The following CGNL1 variants were observed in gnomAD, a reference collection of about 807,000 sequenced individuals.
CGNL1 encodes the protein cingulin-like protein 1.
Under a neutral mutation model 141.2 loss-of-function variants are expected in CGNL1, and 132 were observed. The ratio of observed to expected loss-of-function variants is 0.93; its 90% confidence interval spans 0.81 to 1.08. The LOEUF is 1.08. CGNL1 is among the 50% of genes least tolerant of loss of function. The probability of loss-of-function intolerance (pLI) is 0.00; values close to 1 mark genes in which losing one functional copy is unlikely to be tolerated. For missense variants in CGNL1, 1,870 were observed against 1,588.6 expected, an observed-to-expected ratio of 1.18 and a Z score of -3.01; for synonymous variants, 690 against 622.1, an observed-to-expected ratio of 1.11 and a Z score of -1.63.
intron 1 of CGNL1, chr15:57,397,251 A>G (rs2062612911): frequency 6.6e-6 from 1 of 152,170 alleles, no homozygotes. Flanking sequence ...GCATTTGTAA[A>G]CCATTGCTGG....
At chr15:57,493,788 C>T (rs1201585499) in intron 8 of CGNL1, among the ~76,000 whole-genome samples, 2 of 152,214 alleles carry the variant, frequency 1.3e-5, no homozygotes, top group African/African-American at 4.8e-5. Context: ...CGATGCTGTT[C>T]TTTCCATCTG....
At chr15:57,539,164 C>T (rs16977584) in intron 14 of CGNL1, among the ~76,000 whole-genome samples, 4,363 of 152,234 alleles carry the variant, frequency 0.029, 222 homozygotes, top group African/African-American at 0.1. Context: ...ATTTTTCAGG[C>T]GCACACTCCA....
At chr15:57,531,807 G>T in intron 14 of CGNL1, 28 bp downstream of exon 14, 2 of 1,377,752 alleles carry the variant, frequency 1.5e-6, no homozygotes, top group South Asian at 1.2e-5. Flanking sequence ...AATGATGCGT[G>T]GATTGTCCTG....
chr15:57,538,015 C>CA (rs1308532114), intron 14 of CGNL1, among the ~76,000 whole-genome samples: 1 of 152,208 alleles, frequency 6.6e-6, no homozygotes, highest in Non-Finnish European at 1.5e-5. Context: ...TCCCCGCCAC[C>CA]CCCCGCCCCA....
At chr15:57,496,996 C>T (rs577543208) in intron 8 of CGNL1, among the ~76,000 whole-genome samples, 39 of 152,236 alleles carry the variant, frequency 2.6e-4, no homozygotes, top group African/African-American at 8.7e-4. Context: ...GTTGCATCCA[C>T]GTTGTGTGGA....
intron 1 of CGNL1, among the ~76,000 whole-genome samples, chr15:57,432,428 T>C (rs1481005080): frequency 2.0e-5 from 3 of 152,214 alleles, no homozygotes; most frequent in Non-Finnish European, 2.9e-5. Context: ...AGCTAAGCCC[T>C]TTGTTCTTAC....
At chr15:57,495,604 T>C (rs1316128831) in intron 8 of CGNL1, among the ~76,000 whole-genome samples, 3 of 152,200 alleles carry the variant, frequency 2.0e-5, no homozygotes, top group Admixed American at 6.5e-5. Flanking sequence ...ACTCTCCGTC[T>C]AGGAAAATAC....
At chr15:57,480,035 G>T (rs1210834037) in intron 8 of CGNL1, among the ~76,000 whole-genome samples, 1 of 152,200 alleles carries the variant, frequency 6.6e-6, no homozygotes, top group African/African-American at 2.4e-5. Context: ...TTATCCCAAA[G>T]AGCTGTGGCA....
chr15:57,420,970 A>T (rs1337098140), intron 1 of CGNL1, among the ~76,000 whole-genome samples: 2 of 152,208 alleles, frequency 1.3e-5, no homozygotes, highest in Non-Finnish European at 2.9e-5. Context: ...CAAAATTCAT[A>T]TTAGAGGTTA....
At chr15:57,410,078 A>G (rs2062769592) in intron 1 of CGNL1, among the ~76,000 whole-genome samples, 1 of 152,202 alleles carries the variant, frequency 6.6e-6, no homozygotes, top group South Asian at 2.1e-4. Context: ...CACCACTTCA[A>G]GGAAGTGGAA....
intron 8 of CGNL1, among the ~76,000 whole-genome samples, chr15:57,508,107 A>G (rs1233962531): frequency 2.0e-5 from 3 of 152,094 alleles, no homozygotes; most frequent in East Asian, 1.9e-4. Flanking sequence ...TGGGTGATGA[A>G]TACCCTCTAC....
intron 1 of CGNL1, among the ~76,000 whole-genome samples, chr15:57,422,551 T>C (rs1240393175): frequency 1.3e-5 from 2 of 152,130 alleles, no homozygotes; most frequent in East Asian, 3.8e-4. Context: ...TGTTCAACAG[T>C]GGGTTAATGT....
rs375276334 is a variant in CGNL1, at chr15:57,458,231, G to C, written c.2191-3449G>C. Among the ~76,000 whole-genome samples the C allele has an allele frequency of 3.3e-5, 5 of 152,256 alleles. No homozygotes were observed. The South Asian group carries it at 8.3e-4, about 25-fold the overall frequency. Reference sequence around the variant, plus strand: ...GTTTTCTTTAACTGGATTCCATAGAGAGGCAAGTTGACCTCTAATGGATGT... The same window carrying C: ...GTTTTCTTTAACTGGATTCCATAGACAGGCAAGTTGACCTCTAATGGATGT... On this transcript the variant is annotated intron_variant, in intron 7 of 18. Coordinates refer to ENST00000281282, the MANE Select transcript of CGNL1 (RefSeq NM_032866.5).
chr15:57,546,786 G>A (rs1458891045), intron 18 of CGNL1, among the ~76,000 whole-genome samples: 1 of 152,124 alleles, frequency 6.6e-6, no homozygotes, highest in African/African-American at 2.4e-5. Flanking sequence ...AGGTTCATGA[G>A]ATTAGGTTCA....
At chr15:57,541,937 G>A (rs1391853678) in intron 14 of CGNL1, among the ~76,000 whole-genome samples, 1 of 152,212 alleles carries the variant, frequency 6.6e-6, no homozygotes, top group Non-Finnish European at 1.5e-5. Flanking sequence ...GCTTCCCCCT[G>A]TGGTGTTGGA....
chr15:57,423,067 T>C (rs1191646090), intron 1 of CGNL1, among the ~76,000 whole-genome samples: 2 of 152,158 alleles, frequency 1.3e-5, no homozygotes, highest in African/African-American at 4.8e-5. Flanking sequence ...TCTTTTTGTC[T>C]GGTTTGGATT....
chr15:57,387,771 G>C (rs1314980644), intron 1 of CGNL1, among the ~76,000 whole-genome samples: 7 of 152,210 alleles, frequency 4.6e-5, no homozygotes, highest in African/African-American at 1.7e-4. Flanking sequence ...GCCACTGCAG[G>C]CTTCTAAATG....
intron 8 of CGNL1, among the ~76,000 whole-genome samples, chr15:57,514,503 A>G (rs2030610318): frequency 6.6e-6 from 1 of 151,842 alleles, no homozygotes; most frequent in Non-Finnish European, 1.5e-5. Flanking sequence ...TATATTCTGG[A>G]TATGAGTCCT....
chr15:57,489,220 A>G (rs534028348), intron 8 of CGNL1, among the ~76,000 whole-genome samples: 2 of 152,240 alleles, frequency 1.3e-5, no homozygotes, highest in African/African-American at 2.4e-5. Flanking sequence ...CACTGAATGT[A>G]GGAAAGAGAT....
Sources: gnomAD v4.1 joint callset for allele counts (sites outside exome capture counted in the v4.1 genomes callset) on GRCh38, gnomAD v4.1.1 for gene constraint, MANE v1.5 for transcripts, NCBI Gene and HGNC (gene_info 2026-07-23, HGNC 2026-07-21) for gene names.